Variants in CNNM2 observed in about 807,000 individuals in gnomAD.
The protein encoded by CNNM2 is metal transporter CNNM2.
CNNM2 carries 12 observed loss-of-function variants against 66.9 expected under a neutral mutation model. The ratio of observed to expected loss-of-function variants is 0.18; its 90% CI spans 0.11 to 0.29. The LOEUF is 0.29. Among genes scored for constraint, CNNM2 ranks in the 10% least tolerant of loss-of-function variants. The pLI, the probability that CNNM2 is intolerant of heterozygous loss-of-function variation, is 1.00. For synonymous variants in CNNM2, 557 were observed against 501.8 expected, an observed-to-expected ratio of 1.11 and a Z score of -1.47; for missense variants, 705 against 1,167.7, an observed-to-expected ratio of 0.60 and a Z score of 5.77.
intron 1 of CNNM2, among the ~76,000 whole-genome samples, chr10:103,042,757 G>A (rs1055426516): frequency 6.6e-6 from 1 of 152,138 alleles, no homozygotes; most frequent in African/African-American, 2.4e-5. Flanking sequence ...AAATCCAATT[G>A]TAATTATATT....
intron 1 of CNNM2, among the ~76,000 whole-genome samples, chr10:102,984,647 GTA>G (rs1308262588): frequency 1.3e-5 from 2 of 152,120 alleles, no homozygotes; most frequent in Non-Finnish European, 2.9e-5. Flanking sequence ...ATATAATTGT[GTA>G]ATCTTGTCCT....
intron 1 of CNNM2, among the ~76,000 whole-genome samples, chr10:102,950,401 A>G (rs1846783002): frequency 6.6e-6 from 1 of 152,174 alleles, no homozygotes. Context: ...TCAACTGTGC[A>G]TGTATTTTTT....
chr10:102,931,906 T>C (rs1409669333), intron 1 of CNNM2, among the ~76,000 whole-genome samples: 1 of 152,052 alleles, frequency 6.6e-6, no homozygotes, highest in Non-Finnish European at 1.5e-5. Context: ...CATCGTGGTT[T>C]TGATTTGCAT....
chr10:102,954,126 C>CTTTTCTT (rs1445691957), intron 1 of CNNM2, among the ~76,000 whole-genome samples: 5 of 133,076 alleles, frequency 3.8e-5, no homozygotes, highest in African/African-American at 1.4e-4. Flanking sequence ...CTTTTCTTTT[C>CTTTTCTT]TTTTTTTTTT....
chr10:103,012,143 G>C (rs2064355386), intron 1 of CNNM2, among the ~76,000 whole-genome samples: 1 of 152,124 alleles, frequency 6.6e-6, no homozygotes, highest in Non-Finnish European at 1.5e-5. Context: ...GAATTTCATT[G>C]TTTACACATC....
At chr10:103,049,602 G>T in intron 1 of CNNM2, 105 bp from the exon 2 acceptor site, 2 of 1,068,276 alleles carry the variant, frequency 1.9e-6, no homozygotes, top group Non-Finnish European at 2.7e-6. Flanking sequence ...CAGAGATTTT[G>T]ATAATTCGAC....
chr10:102,991,769 T>C (rs1347999686), intron 1 of CNNM2, among the ~76,000 whole-genome samples: 1 of 152,246 alleles, frequency 6.6e-6, no homozygotes, highest in African/African-American at 2.4e-5. Context: ...TTAAGGAATT[T>C]GCAATTACCT....
intron 1 of CNNM2, among the ~76,000 whole-genome samples, chr10:102,934,737 G>A (rs1846175922): frequency 1.3e-5 from 2 of 152,158 alleles, no homozygotes; most frequent in Non-Finnish European, 2.9e-5. Context: ...CTGGCTACTT[G>A]GGAGGCTGAG....
At chr10:103,035,586 A>T (rs996732876) in intron 1 of CNNM2, among the ~76,000 whole-genome samples, 5 of 152,240 alleles carry the variant, frequency 3.3e-5, no homozygotes, top group Non-Finnish European at 7.3e-5. Context: ...AGATTTTCTC[A>T]CAAGTCATTT....
chr10:103,043,379 C>G (rs549438170), intron 1 of CNNM2, among the ~76,000 whole-genome samples: 1 of 152,330 alleles, frequency 6.6e-6, no homozygotes, highest in African/African-American at 2.4e-5. Context: ...TCCCATTTCA[C>G]TTCATTGACA....
At chr10:103,009,482 G>T (rs1007507148) in intron 1 of CNNM2, among the ~76,000 whole-genome samples, 1 of 151,246 alleles carries the variant, frequency 6.6e-6, no homozygotes, top group African/African-American at 2.4e-5. Context: ...GCTTGAGCCT[G>T]GGAATTTGAG....
intron 1 of CNNM2, among the ~76,000 whole-genome samples, chr10:102,985,736 G>C (rs1223634495): frequency 1.3e-5 from 2 of 152,202 alleles, no homozygotes; most frequent in South Asian, 2.1e-4. Flanking sequence ...CAGATTGATA[G>C]AATAGCTGTC....
chr10:103,028,829 T>TTTTTTTTTTTTTTTTTTTTTTTTC, intron 1 of CNNM2, among the ~76,000 whole-genome samples: 1 of 19,882 alleles, frequency 5.0e-5, no homozygotes, highest in South Asian at 3.1e-3. Flanking sequence ...TTTTTTTTTC[T>TTTTTTTTTTTTTTTTTTTTTTTTC]TTTTTTTTTT....
intron 1 of CNNM2, among the ~76,000 whole-genome samples, chr10:103,020,195 C>G (rs938389980): frequency 2.6e-5 from 4 of 151,688 alleles, no homozygotes. Context: ...TGCTCTGTCA[C>G]CCAGACTAGA....
chr10:103,005,087 G>A (rs908909211), intron 1 of CNNM2, among the ~76,000 whole-genome samples: 4 of 151,502 alleles, frequency 2.6e-5, no homozygotes, highest in African/African-American at 9.7e-5. Context: ...TAATTTTTTT[G>A]TATTTTTAGT....
rs148795286 is a variant in CNNM2, at chr10:102,944,581, C to CGTGTGTGTGT, written c.1621+24507_1621+24516dup. 0.025 allele frequency among the ~76,000 whole-genome samples: 3,530 copies of CGTGTGTGTGT among 143,416 alleles called. 63 individuals carry two copies. The highest frequency in any genetic ancestry group is 0.027 in the Non-Finnish European group (1,775 of 66,130). The allele number at this position is 143,416 out of a possible 152,430, so 94.1% of individuals were successfully genotyped here. A position where few individuals can be genotyped will look rare whatever the true frequency, so the allele number is the denominator to read the frequency against. ...ATATTTTGCCATATTTGTATCTTTTCGTGTGTGTGTGTGTGTGTGTGTGTG... is the reference window on the plus strand; with the variant it reads ...ATATTTTGCCATATTTGTATCTTTTCGTGTGTGTGTGTGTGTGTGTGTGTGTGTGTGTGTG... On this transcript the variant is annotated intron_variant, in intron 1 of 7. Coordinates refer to ENST00000369878, the MANE Select transcript of CNNM2 (RefSeq NM_017649.5).
At chr10:102,964,502 C>T (rs1203872153) in intron 1 of CNNM2, among the ~76,000 whole-genome samples, 1 of 152,144 alleles carries the variant, frequency 6.6e-6, no homozygotes, top group Admixed American at 6.5e-5. Context: ...GAGCTGGGGT[C>T]ACACTCATGA....
chr10:103,000,723 G>T lies in CNNM2; in HGVS notation c.1622-48984G>T, dbSNP rs564319793. Among the ~76,000 whole-genome samples the T allele has an allele frequency of 1.3e-4, 20 of 152,258 alleles. No individual in the cohort carries two copies. The South Asian group carries it at 3.1e-3, about 24-fold the overall frequency. ...GCCTCCCAAAGTGCTGGGATTACAGGTATGTACTACCATGCCCAGCTAATT... is the reference window on the plus strand; with the variant it reads ...GCCTCCCAAAGTGCTGGGATTACAGTTATGTACTACCATGCCCAGCTAATT... On this transcript the variant is annotated intron_variant, in intron 1 of 7. Transcript: ENST00000369878.
chr10:103,014,981 A>G (rs1021604043), intron 1 of CNNM2, among the ~76,000 whole-genome samples: 4 of 152,208 alleles, frequency 2.6e-5, no homozygotes, highest in African/African-American at 9.7e-5. Flanking sequence ...ATCCCCAGGC[A>G]CTTCAAACTT....
Sources: gnomAD v4.1 joint callset for allele counts (sites outside exome capture counted in the v4.1 genomes callset) on GRCh38, gnomAD v4.1.1 for gene constraint, MANE v1.5 for transcripts, NCBI Gene and HGNC (gene_info 2026-07-23, HGNC 2026-07-21) for gene names.